The following ABLIM2 variants were observed in gnomAD, a reference collection of about 807,000 sequenced individuals.
ABLIM2 encodes the protein actin-binding LIM protein 2.
A neutral mutation model predicts 97.7 loss-of-function variants in ABLIM2; 53 were observed. That is an observed-to-expected ratio of 0.54 (90% CI 0.44 to 0.68). ABLIM2 has a LOEUF of 0.68. Ranked by LOEUF, ABLIM2 falls within the 30% of genes least tolerant of loss-of-function variation. The pLI is 0.00. For synonymous variants in ABLIM2, 361 were observed against 345.8 expected (o/e 1.04, Z -0.49); for missense variants, 835 against 867.2 (o/e 0.96, Z 0.47).
At position 8,155,910 on chromosome 4, in the gene ABLIM2, G is replaced by A. The variant is rs1715165897; in HGVS notation, c.10+2770C>T. On this transcript the variant is annotated intron_variant, in intron 1 of 20. Transcript: ENST00000447017. The surrounding 1 kb of genome is among the most constrained non-coding windows in gnomAD (Gnocchi z 4.2). ...AGGGCGGCCGTCCACAAGCCAAGGA[G>A]AGGGGCTTTGGAAGGAAGTAACCCA... Among the ~76,000 whole-genome samples the A allele has an allele frequency of 6.6e-6, 1 of 152,166 alleles. No homozygotes were observed. The highest frequency in any genetic ancestry group is 2.4e-5 in the African/African-American group (1 of 41,424).
In ABLIM2 at chr4:8,130,674, C is replaced by A. The variant is rs1395445816; in HGVS notation, c.11-24037G>T. ...GGCCTGGAGGGAGCAGAGGGGCTTC[C>A]TGGAGGAGGGGGTATCAAAGTCCAG... On this transcript the variant is annotated intron_variant, in intron 1 of 20. Coordinates refer to ENST00000447017, the MANE Select transcript of ABLIM2 (RefSeq NM_001130083.2). This position sits in a 1 kb window ranked among gnomAD's most constrained non-coding sequence, Gnocchi z 4.2. Among the ~76,000 whole-genome samples, 2 of 152,056 alleles carry A rather than the reference C, an allele frequency of 1.3e-5. No individual in the cohort carries two copies. The highest frequency in any genetic ancestry group is 4.8e-5 in the African/African-American group (2 of 41,414).
In ABLIM2 at chr4:8,033,167, T is replaced by C. The variant is rs976155221; in HGVS notation, c.1047+2982A>G. 1.3e-5 allele frequency among the ~76,000 whole-genome samples: 2 copies of C among 152,142 alleles called. No individual in the cohort carries two copies. Among genetic ancestry groups the C allele is most frequent in the Admixed American group, 6.5e-5 (1 of 15,282 alleles). ...GGGCCCTAGACAGCAGGCTGACCCGTCTTCCCAGGCTGGCACCCCATCCAC... is the reference window on the plus strand; with the variant it reads ...GGGCCCTAGACAGCAGGCTGACCCGCCTTCCCAGGCTGGCACCCCATCCAC... On this transcript the variant is annotated intron_variant, in intron 10 of 20. Coordinates refer to ENST00000447017, the MANE Select transcript of ABLIM2 (RefSeq NM_001130083.2). The surrounding 1 kb of genome is among the most constrained non-coding windows in gnomAD (Gnocchi z 4.5).
intron 2 of ABLIM2, among the ~76,000 whole-genome samples, chr4:8,105,842 T>A (rs1837103070): frequency 6.6e-6 from 1 of 152,224 alleles, no homozygotes; most frequent in Non-Finnish European, 1.5e-5. Flanking sequence ...CAAGGGCACA[T>A]GCGTTATCTT....
intron 20 of ABLIM2, among the ~76,000 whole-genome samples, chr4:7,976,504 TC>T (rs1303454137): frequency 1.3e-5 from 2 of 152,098 alleles, no homozygotes; most frequent in Admixed American, 1.3e-4. Context: ...CTTAACACAA[TC>T]CAGGGCCCTG....
chr4:8,106,401 A>C (rs1040730857), intron 2 of ABLIM2, 93 bp downstream of exon 2: 19 of 1,514,492 alleles, frequency 1.3e-5, no homozygotes, highest in Non-Finnish European at 1.7e-5. Context: ...TCCCAGGCCC[A>C]GGCAGAGCTT....
intron 20 of ABLIM2, among the ~76,000 whole-genome samples, chr4:7,978,988 C>A (rs1735888194): frequency 1.3e-5 from 2 of 152,124 alleles, no homozygotes; most frequent in Admixed American, 1.3e-4. Context: ...TCTGCGCACT[C>A]ACTGGATTCA....
intron 18 of ABLIM2, among the ~76,000 whole-genome samples, chr4:7,984,590 T>C (rs1265479838): frequency 6.6e-6 from 1 of 152,180 alleles, no homozygotes; most frequent in East Asian, 1.9e-4. Flanking sequence ...TGCCATACAA[T>C]GCAGGACAGG....
At chr4:8,073,122 C>A (rs1813461421) in intron 6 of ABLIM2, among the ~76,000 whole-genome samples, 1 of 150,228 alleles carries the variant, frequency 6.7e-6, no homozygotes, top group Non-Finnish European at 1.5e-5. Context: ...GAAGCCCTGG[C>A]AGGTAAGGTG....
In ABLIM2 at chr4:8,150,825, G is replaced by C. The variant is rs1712421480; in HGVS notation, c.10+7855C>G. Among the ~76,000 whole-genome samples, 1 of 152,182 alleles carries C rather than the reference G, an allele frequency of 6.6e-6. No homozygotes were observed. Among genetic ancestry groups the C allele is most frequent in the Non-Finnish European group, 1.5e-5 (1 of 68,024 alleles). ...ACCAGGACTGAGATGGGGCTGGCAG[G>C]GGAGACAGCAGGACCAGAGAAGGGG... is the stretch of plus-strand genomic sequence containing the variant. On this transcript the variant is annotated intron_variant, in intron 1 of 20. Coordinates refer to ENST00000447017, the MANE Select transcript of ABLIM2 (RefSeq NM_001130083.2). The surrounding 1 kb of genome is among the most constrained non-coding windows in gnomAD (Gnocchi z 6.3).
At chr4:8,131,787 CA>C in intron 1 of ABLIM2, among the ~76,000 whole-genome samples, 1 of 97,956 alleles carries the variant, frequency 1.0e-5, no homozygotes, top group African/African-American at 5.0e-5. Context: ...ATCCCCTGCA[CA>C]GCAGCCCGCA....
chr4:8,020,442 G>C (rs917160695), intron 12 of ABLIM2, 139 bp from the exon 13 acceptor site: 1 of 786,826 alleles, frequency 1.3e-6, no homozygotes, highest in African/African-American at 1.7e-5. Flanking sequence ...CTGCCCAGGG[G>C]AAGGAGTGTG....
intron 6 of ABLIM2, among the ~76,000 whole-genome samples, chr4:8,074,776 C>CTTT (rs71175458): frequency 1.9e-4 from 20 of 105,032 alleles, no homozygotes; most frequent in Non-Finnish European, 2.7e-4. Flanking sequence ...CCTGGTAATT[C>CTTT]TTTTTTTTTT....
rs566524136 is a variant in ABLIM2 at position 8,032,138 on chromosome 4, C to T, written c.1048-2362G>A. On this transcript the variant is annotated intron_variant, in intron 10 of 20. Coordinates refer to ENST00000447017, the MANE Select transcript of ABLIM2 (RefSeq NM_001130083.2). This position sits in a 1 kb window ranked among gnomAD's most constrained non-coding sequence, Gnocchi z 4.3. ...CACCTTTCTGCTGTGGCCACCCGTG[C>T]GGCCGCACAGACTGCAGTCTGATTG... 2.6e-5 allele frequency among the ~76,000 whole-genome samples: 4 copies of T among 151,146 alleles called. No homozygotes were observed. The highest frequency in any genetic ancestry group is 2.1e-4 in the South Asian group (1 of 4,760).
chr4:8,039,882 T>TTTG (rs1787115884), intron 9 of ABLIM2, among the ~76,000 whole-genome samples: 1 of 142,130 alleles, frequency 7.0e-6, no homozygotes, highest in African/African-American at 2.7e-5. Context: ...CTGTTTTTTT[T>TTTG]TTTTTTTTTT....
chr4:8,114,354 C>G (rs545788524), intron 1 of ABLIM2, among the ~76,000 whole-genome samples: 11 of 152,326 alleles, frequency 7.2e-5, no homozygotes, highest in Admixed American at 6.5e-4. Flanking sequence ...GGAATTAAAG[C>G]GTACAGGCAC....
chr4:8,138,565 A>G (rs998135319), intron 1 of ABLIM2, among the ~76,000 whole-genome samples: 1 of 152,184 alleles, frequency 6.6e-6, no homozygotes, highest in Non-Finnish European at 1.5e-5. Flanking sequence ...AAATTAGACC[A>G]CACATACACA....
At chr4:8,134,169 C>T (rs935386505) in intron 1 of ABLIM2, among the ~76,000 whole-genome samples, 7 of 152,146 alleles carry the variant, frequency 4.6e-5, no homozygotes, top group East Asian at 3.9e-4. Flanking sequence ...CAAAGGCAAG[C>T]GGAGGATGTT....
At chr4:8,024,887 C>G (rs979936091) in intron 12 of ABLIM2, among the ~76,000 whole-genome samples, 1 of 152,218 alleles carries the variant, frequency 6.6e-6, no homozygotes, top group Admixed American at 6.5e-5. Context: ...CTCCCCCACA[C>G]CAGACACCAG....
chr4:7,984,407 T>C (rs1388941447), intron 18 of ABLIM2, among the ~76,000 whole-genome samples: 2 of 152,192 alleles, frequency 1.3e-5, no homozygotes, highest in Non-Finnish European at 2.9e-5. Context: ...CACGACCAGG[T>C]GGCCGCTCTG....
Sources: allele counts gnomAD v4.1 joint callset (sites outside exome capture counted in the v4.1 genomes callset), GRCh38; gene constraint gnomAD v4.1.1; non-coding constraint Gnocchi (gnomAD v3.1); transcripts MANE v1.5; gene names NCBI Gene and HGNC (gene_info 2026-07-23, HGNC 2026-07-21).